Variants in ARHGEF6 observed in about 807,000 individuals in gnomAD.
The protein encoded by ARHGEF6 is rho guanine nucleotide exchange factor 6.
In ARHGEF6, 9 loss-of-function variants were observed where a neutral mutation model predicts 70.3. That is an observed-to-expected ratio of 0.13 (90% CI 0.08 to 0.22). ARHGEF6 has a LOEUF of 0.22. Among genes scored for constraint, ARHGEF6 ranks in the 10% least tolerant of loss-of-function variants. The pLI is 1.00. For missense variants in ARHGEF6, 470 were observed against 563.0 expected (o/e 0.83, Z 1.67); for synonymous variants, 201 against 207.8 (o/e 0.97, Z 0.28).
intron 6 of ARHGEF6, among the ~76,000 whole-genome samples, chrX:136,730,081 T>A (rs7064129): frequency 0.012 from 1,323 of 110,770 alleles, 22 homozygotes; most frequent in African/African-American, 0.041. Context: ...TCTGATATTT[T>A]AAAAACATTT....
chrX:136,675,473 T>C (rs947583439), intron 18 of ARHGEF6, among the ~76,000 whole-genome samples: 1 of 110,736 alleles, frequency 9.0e-6, no homozygotes, highest in African/African-American at 3.3e-5. Flanking sequence ...AAGGCTCACC[T>C]TTAGGAAGCT....
chrX:136,775,074 T>C (rs2077393623), intron 2 of ARHGEF6, among the ~76,000 whole-genome samples: 1 of 111,290 alleles, frequency 9.0e-6, no homozygotes, highest in African/African-American at 3.3e-5. Flanking sequence ...CTGGGGCCTT[T>C]ACATATATGA....
chrX:136,757,102 C>T (rs1267586549), intron 2 of ARHGEF6, among the ~76,000 whole-genome samples: 2 of 113,019 alleles, frequency 1.8e-5, no homozygotes, highest in African/African-American at 6.4e-5. Flanking sequence ...CGCAGTGGTT[C>T]ATGTCTGTAG....
At chrX:136,761,429 T>C (rs1489582991) in intron 2 of ARHGEF6, among the ~76,000 whole-genome samples, 2 of 112,571 alleles carry the variant, frequency 1.8e-5, no homozygotes, top group African/African-American at 6.4e-5. Context: ...AAATAAAATA[T>C]AAAAAACCAA....
chrX:136,756,409 A>G (rs2077207850), intron 2 of ARHGEF6, among the ~76,000 whole-genome samples: 1 of 111,947 alleles, frequency 8.9e-6, no homozygotes, highest in African/African-American at 3.3e-5. Flanking sequence ...TCATTATCAT[A>G]GAGAAGAGAA....
chrX:136,736,586 C>A (rs1253583450), intron 5 of ARHGEF6, among the ~76,000 whole-genome samples: 1 of 107,343 alleles, frequency 9.3e-6, no homozygotes, highest in African/African-American at 3.5e-5. Context: ...AAAACTTATT[C>A]TACTTTCAGC....
chrX:136,746,307 A>G (rs761827061), intron 3 of ARHGEF6, among the ~76,000 whole-genome samples: 3 of 112,526 alleles, frequency 2.7e-5, no homozygotes, highest in Non-Finnish European at 3.7e-5. Flanking sequence ...TGTGTGTTAA[A>G]TATAGTTACT....
intron 6 of ARHGEF6, among the ~76,000 whole-genome samples, chrX:136,723,896 C>A (rs1375766181): frequency 1.8e-5 from 2 of 110,409 alleles, no homozygotes; most frequent in Non-Finnish European, 3.8e-5. Flanking sequence ...CGCCACTGCA[C>A]TTCAGCTGGG....
chrX:136,744,064 T>A (rs1271317985), intron 4 of ARHGEF6, among the ~76,000 whole-genome samples: 2 of 111,697 alleles, frequency 1.8e-5, no homozygotes, highest in East Asian at 5.6e-4. Context: ...TATCTAAAGA[T>A]TATCTATTTA....
intron 2 of ARHGEF6, chrX:136,767,032 C>T (rs2077321874): frequency 1.5e-6 from 1 of 687,157 alleles, no homozygotes; most frequent in Non-Finnish European, 1.7e-6. Flanking sequence ...GGCTGCGAGC[C>T]ACGGCAGTGG....
rs1426495423 is a variant in ARHGEF6 at position 136,686,592 on chromosome X, G to GTATATA, written c.1246-770_1246-769insTATATA. 9.9e-3 allele frequency among the ~76,000 whole-genome samples: 591 copies of GTATATA among 59,597 alleles called. 22 individuals are homozygous for GTATATA. Among genetic ancestry groups the GTATATA allele is most frequent in the African/African-American group, 0.038 (524 of 13,611 alleles). The allele number at this position is 59,597 out of a possible 115,157, so 51.8% of individuals were successfully genotyped here. ...TCTATATATATGTGTGTGTATGTGT[G>GTATATA]TGTATATATATATATATATATATAT... On this transcript the variant is annotated intron_variant, in intron 11 of 21. Coordinates refer to ENST00000250617, the MANE Select transcript of ARHGEF6 (RefSeq NM_004840.3).
chrX:136,673,533 C>T (rs1223529856), intron 19 of ARHGEF6, among the ~76,000 whole-genome samples: 1 of 111,738 alleles, frequency 8.9e-6, no homozygotes, highest in African/African-American at 3.3e-5. Context: ...GGCTGCACTT[C>T]CCAGCTGCAG....
intron 20 of ARHGEF6, 123 bp from the exon 21 acceptor site, chrX:136,669,659 T>C (rs995343785): frequency 8.8e-6 from 5 of 569,991 alleles, no homozygotes; most frequent in African/African-American, 4.5e-5. Context: ...TTCTAGCTGA[T>C]TGGGAATGGT....
intron 12 of ARHGEF6, 115 bp from the exon 13 acceptor site, chrX:136,682,959 C>T (rs2076347684): frequency 1.7e-6 from 1 of 584,679 alleles, no homozygotes; most frequent in Non-Finnish European, 2.7e-6. Context: ...GAAACATTAA[C>T]GGTAATTTTT....
chrX:136,693,283 C>G (rs2076476752), intron 9 of ARHGEF6, among the ~76,000 whole-genome samples: 1 of 111,935 alleles, frequency 8.9e-6, no homozygotes, highest in African/African-American at 3.2e-5. Context: ...CATGAGATCA[C>G]TATCTTGGAT....
At chrX:136,772,556 A>G (rs2077371073) in intron 2 of ARHGEF6, among the ~76,000 whole-genome samples, 2 of 112,510 alleles carry the variant, frequency 1.8e-5, no homozygotes, top group African/African-American at 6.5e-5. Context: ...TTGAAAGTAA[A>G]AAACAAAAAT....
At position 136,780,741 on chromosome X, in the gene ARHGEF6, G is replaced by A. The variant is rs1259516866; in HGVS notation, c.142C>T (p.Leu48Phe). ...ACCTTTTCCACAGAGCCAGGCATGAGTCTGTTGATCAGTTTGCACAGAACT... is the reference window on the plus strand; with the variant it reads ...ACCTTTTCCACAGAGCCAGGCATGAATCTGTTGATCAGTTTGCACAGAACT... The part of the protein sequence containing the change: ...GVVLCKLINR[L>F]MPGSVEKFCL... Residue 48 changes from leucine to phenylalanine, a missense_variant, in exon 1 of 22, where the codon CTC becomes TTC. Transcript: ENST00000250617. 8.3e-7 allele frequency: 1 copy of A among 1,209,255 alleles called. No homozygotes were observed.
intron 19 of ARHGEF6, among the ~76,000 whole-genome samples, chrX:136,673,156 G>C (rs1291420582): frequency 8.9e-6 from 1 of 112,495 alleles, no homozygotes; most frequent in Non-Finnish European, 1.9e-5. Flanking sequence ...GCAATCTAGA[G>C]ATGATTTAAA....
chrX:136,679,438 T>C (rs756457124), intron 16 of ARHGEF6, 97 bp downstream of exon 16: 25 of 1,024,255 alleles, frequency 2.4e-5, no homozygotes, highest in Non-Finnish European at 3.1e-5. Context: ...CATAATACCA[T>C]CTATCTTAAA....
Sources: gnomAD v4.1 joint callset for allele counts (sites outside exome capture counted in the v4.1 genomes callset) on GRCh38, gnomAD v4.1.1 for gene constraint, MANE v1.5 for transcripts, NCBI Gene and HGNC (gene_info 2026-07-23, HGNC 2026-07-21) for gene names.